Variants in FBXW7 observed in about 807,000 individuals in gnomAD.
FBXW7 encodes F-box/WD repeat-containing protein 7.
Under a neutral mutation model 86.3 loss-of-function variants are expected in FBXW7, and 11 were observed. The ratio of observed to expected loss-of-function variants is 0.13; its 90% CI spans 0.08 to 0.21. The LOEUF (loss-of-function observed/expected upper bound fraction) is 0.21, where lower values mean the gene tolerates loss of function less well. Ranked by LOEUF, FBXW7 falls within the 10% of genes least tolerant of loss-of-function variation. The pLI, the probability that FBXW7 is intolerant of heterozygous loss-of-function variation, is 1.00. For synonymous variants in FBXW7, 313 were observed against 297.9 expected (o/e 1.05, Z -0.52); for missense variants, 488 against 847.4 (o/e 0.58, Z 5.27).
At chr4:152,371,399 T>A (rs1036042805) in intron 4 of FBXW7, among the ~76,000 whole-genome samples, 10 of 151,894 alleles carry the variant, frequency 6.6e-5, no homozygotes, top group Admixed American at 6.6e-4. Flanking sequence ...CAAAAATATT[T>A]AAAAAGGGAG....
intron 4 of FBXW7, among the ~76,000 whole-genome samples, chr4:152,362,808 CAG>C (rs1371796822): frequency 8.9e-6 from 1 of 112,334 alleles, no homozygotes; most frequent in African/African-American, 3.3e-5. Context: ...GCCTGGGCAA[CAG>C]AGTGAAACTC....
chr4:152,506,113 G>T (rs1747399098), intron 2 of FBXW7, among the ~76,000 whole-genome samples: 1 of 151,908 alleles, frequency 6.6e-6, no homozygotes. Flanking sequence ...CAAGTATTAG[G>T]TACTGTACAT....
chr4:152,411,761 TTCG>T lies in FBXW7; in HGVS notation c.40_42del (p.Arg14del), dbSNP rs777677698. 1.2e-6 allele frequency: 2 copies of T among 1,611,860 alleles called. No homozygotes were observed. Among genetic ancestry groups the T allele is most frequent in the Admixed American group, 1.7e-5 (1 of 59,826 alleles). ...GGGTTACCTCTCAGAGAGCCTCCAG[TTCG>T]TCGTCTTTTGCTGCCCACAGAGAGC... On this transcript the variant is annotated inframe_deletion, in exon 4 of 14. Coordinates refer to ENST00000281708, the MANE Select transcript of FBXW7 (RefSeq NM_001349798.2).
intron 2 of FBXW7, among the ~76,000 whole-genome samples, chr4:152,464,381 T>C (rs1743224323): frequency 6.6e-6 from 1 of 151,948 alleles, no homozygotes; most frequent in South Asian, 2.1e-4. Flanking sequence ...GCTTTTGAAA[T>C]GAAAACACTT....
intron 2 of FBXW7, among the ~76,000 whole-genome samples, chr4:152,523,680 C>T (rs1749231781): frequency 6.6e-6 from 1 of 152,146 alleles, no homozygotes; most frequent in Non-Finnish European, 1.5e-5. Flanking sequence ...TTTTAGGGTG[C>T]CCCTACCTCC....
At chr4:152,423,764 C>CA (rs775146715) in intron 2 of FBXW7, among the ~76,000 whole-genome samples, 6 of 151,046 alleles carry the variant, frequency 4.0e-5, no homozygotes, top group Non-Finnish European at 7.4e-5. Context: ...TTAAAGAGTT[C>CA]AAAAAAGGAA....
At chr4:152,528,223 C>T (rs564155164) in intron 2 of FBXW7, among the ~76,000 whole-genome samples, 1 of 152,204 alleles carries the variant, frequency 6.6e-6, no homozygotes, top group African/African-American at 2.4e-5. Flanking sequence ...TTTCTTACAG[C>T]CAGATTTCCA....
rs192251760 is a variant in FBXW7, at chr4:152,367,520, C to A, written c.502-17396G>T. Reference sequence around the variant, plus strand: ...AAAAGACTAAGATCCCACTAAAATACTCTAATAAAAATGATGGTTATTTTA... The same window carrying A: ...AAAAGACTAAGATCCCACTAAAATAATCTAATAAAAATGATGGTTATTTTA... On this transcript the variant is annotated intron_variant, in intron 4 of 13. Transcript: ENST00000281708. 1.4e-3 allele frequency among the ~76,000 whole-genome samples: 207 copies of A among 152,160 alleles called. 1 individual carries two copies. The highest frequency in any genetic ancestry group is 2.3e-3 in the Non-Finnish European group (155 of 67,974).
rs912610464 is a variant in FBXW7, at chr4:152,495,256, A to G, written c.-120+39685T>C. Among the ~76,000 whole-genome samples, 20 of 152,228 alleles carry G rather than the reference A, an allele frequency of 1.3e-4. 1 individual carries two copies. Among genetic ancestry groups the G allele is most frequent in the African/African-American group, 4.1e-4 (17 of 41,552 alleles). ...GAGATCACCCTGTCCTACATGGTGA[A>G]ACCCCGTCTCTACTAAAAATTTAAA... On this transcript the variant is annotated intron_variant, in intron 2 of 13. Transcript: ENST00000281708.
intron 5 of FBXW7, among the ~76,000 whole-genome samples, chr4:152,347,960 T>C (rs1731429969): frequency 6.6e-6 from 1 of 152,060 alleles, no homozygotes; most frequent in Non-Finnish European, 1.5e-5. Context: ...GTATCCATTT[T>C]AAAGACCTTG....
At chr4:152,408,328 T>A (rs1293791493) in intron 4 of FBXW7, among the ~76,000 whole-genome samples, 4 of 152,208 alleles carry the variant, frequency 2.6e-5, no homozygotes, top group African/African-American at 9.6e-5. Context: ...GCTGGGCATA[T>A]CTTCAGAAAA....
At chr4:152,324,453 A>C (rs1300825842) in intron 12 of FBXW7, 59 bp from the exon 13 acceptor site, 3 of 1,347,674 alleles carry the variant, frequency 2.2e-6, no homozygotes, top group Non-Finnish European at 3.1e-6. Flanking sequence ...TCAATTACTG[A>C]CCTTAATCCT....
At chr4:152,343,134 G>C (rs577967077) in intron 6 of FBXW7, among the ~76,000 whole-genome samples, 3 of 152,110 alleles carry the variant, frequency 2.0e-5, no homozygotes, top group African/African-American at 7.2e-5. Context: ...CAAAACACAT[G>C]TATTTTATAC....
intron 2 of FBXW7, among the ~76,000 whole-genome samples, chr4:152,527,971 G>C (rs1293227018): frequency 6.6e-6 from 1 of 151,184 alleles, no homozygotes; most frequent in Non-Finnish European, 1.5e-5. Context: ...TTCACATTTG[G>C]AACTGATAAT....
intron 2 of FBXW7, among the ~76,000 whole-genome samples, chr4:152,514,684 C>T (rs1748300933): frequency 6.6e-6 from 1 of 152,134 alleles, no homozygotes; most frequent in African/African-American, 2.4e-5. Flanking sequence ...CTCTTTCTCT[C>T]CTTTCCTGCC....
intron 4 of FBXW7, among the ~76,000 whole-genome samples, chr4:152,390,091 A>G (rs1735866043): frequency 6.6e-6 from 1 of 151,916 alleles, no homozygotes; most frequent in South Asian, 2.1e-4. Context: ...TTATACTATA[A>G]TAATATGTGT....
intron 2 of FBXW7, among the ~76,000 whole-genome samples, chr4:152,523,094 T>C (rs1039582449): frequency 2.0e-5 from 3 of 152,368 alleles, no homozygotes. Context: ...GCACTGATTA[T>C]ATGCACAGCA....
At chr4:152,512,603 G>GA (rs1748077625) in intron 2 of FBXW7, among the ~76,000 whole-genome samples, 1 of 152,140 alleles carries the variant, frequency 6.6e-6, no homozygotes, top group Non-Finnish European at 1.5e-5. Flanking sequence ...GAAGAACACT[G>GA]AAAACATCGT....
At chr4:152,394,357 A>G (rs1736239591) in intron 4 of FBXW7, among the ~76,000 whole-genome samples, 2 of 152,116 alleles carry the variant, frequency 1.3e-5, no homozygotes, top group South Asian at 4.1e-4. Flanking sequence ...ACATTTTCAT[A>G]TGAGTACTCA....
Sources: allele counts gnomAD v4.1 joint callset (sites outside exome capture counted in the v4.1 genomes callset), GRCh38; gene constraint gnomAD v4.1.1; transcripts MANE v1.5; gene names NCBI Gene and HGNC (gene_info 2026-07-23, HGNC 2026-07-21).